Variants in RIMS1 observed in about 807,000 individuals in gnomAD.
The protein encoded by RIMS1 is regulating synaptic membrane exocytosis 1.
RIMS1 carries 83 observed loss-of-function variants against 214.1 expected under a neutral mutation model. The observed-to-expected ratio is 0.39, with a 90% CI of 0.32 to 0.47. The LOEUF (loss-of-function observed/expected upper bound fraction) is 0.47. RIMS1 is among the 20% of genes least tolerant of loss of function. The pLI is 0.99. For missense variants in RIMS1, 2,050 were observed against 2,161.8 expected (o/e 0.95, Z 1.03); for synonymous variants, 793 against 786.8 (o/e 1.01, Z -0.13).
intron 4 of RIMS1, among the ~76,000 whole-genome samples, chr6:72,118,365 C>T (rs2037514014): frequency 6.6e-6 from 1 of 150,988 alleles, no homozygotes; most frequent in Non-Finnish European, 1.5e-5. Context: ...AAGTCCAGGG[C>T]CAGATGGAAT....
At chr6:72,048,882 GC>G (rs1456517786) in intron 2 of RIMS1, among the ~76,000 whole-genome samples, 1 of 152,188 alleles carries the variant, frequency 6.6e-6, no homozygotes, top group Non-Finnish European at 1.5e-5. Flanking sequence ...CCCCTGACTT[GC>G]TGTCCCTATC....
intron 26 of RIMS1, among the ~76,000 whole-genome samples, chr6:72,303,191 T>G (rs970544041): frequency 6.6e-6 from 1 of 151,052 alleles, no homozygotes; most frequent in African/African-American, 2.4e-5. Flanking sequence ...AGAAAATTAC[T>G]TTATCTCTTT....
At chr6:72,015,451 TAGA>T (rs1379057370) in intron 2 of RIMS1, among the ~76,000 whole-genome samples, 1 of 152,216 alleles carries the variant, frequency 6.6e-6, no homozygotes, top group African/African-American at 2.4e-5. Context: ...ATTTTCTATA[TAGA>T]AGATCATGTT....
intron 1 of RIMS1, among the ~76,000 whole-genome samples, chr6:71,940,141 G>A (rs1157447066): frequency 6.6e-6 from 1 of 152,142 alleles, no homozygotes; most frequent in South Asian, 2.1e-4. Context: ...GAATTACAGT[G>A]GTGTTTGGGG....
intron 2 of RIMS1, among the ~76,000 whole-genome samples, chr6:72,037,511 G>GA (rs1819982781): frequency 1.3e-5 from 2 of 150,944 alleles, no homozygotes; most frequent in Admixed American, 6.6e-5. Flanking sequence ...TGAGGTTTTA[G>GA]TTTTTTTTTA....
intron 4 of RIMS1, among the ~76,000 whole-genome samples, chr6:72,148,076 T>C (rs1230332484): frequency 6.6e-6 from 1 of 152,220 alleles, no homozygotes; most frequent in Non-Finnish European, 1.5e-5. Context: ...GCTAAATTTG[T>C]AATTTCTTAC....
chr6:72,233,597 C>T (rs144256379), intron 6 of RIMS1, among the ~76,000 whole-genome samples, 176 bp from the exon 7 acceptor site: 194 of 151,548 alleles, frequency 1.3e-3, no homozygotes, highest in African/African-American at 4.4e-3. Flanking sequence ...TTGTAGCATA[C>T]GTTCATTCCA....
chr6:72,162,484 G>A (rs1218896283), intron 4 of RIMS1, among the ~76,000 whole-genome samples: 1 of 140,830 alleles, frequency 7.1e-6, no homozygotes, highest in African/African-American at 2.5e-5. Context: ...TCCTAGCCTT[G>A]ATGGTCTTTA....
intron 2 of RIMS1, among the ~76,000 whole-genome samples, chr6:72,012,238 C>T (rs1373447533): frequency 1.3e-5 from 2 of 152,034 alleles, no homozygotes; most frequent in African/African-American, 4.8e-5. Flanking sequence ...GGACAAAAAA[C>T]CAAACACCGC....
intron 2 of RIMS1, among the ~76,000 whole-genome samples, chr6:72,047,948 T>C (rs1823521461): frequency 6.6e-6 from 1 of 152,168 alleles, no homozygotes; most frequent in South Asian, 2.1e-4. Context: ...TAGTAATGGA[T>C]TCAAACCCAT....
At chr6:71,947,918 T>C (rs1261853461) in intron 1 of RIMS1, among the ~76,000 whole-genome samples, 1 of 152,134 alleles carries the variant, frequency 6.6e-6, no homozygotes, top group African/African-American at 2.4e-5. Flanking sequence ...GCACTCTAAA[T>C]TTCTTAGCAG....
chr6:72,250,772 G>C (rs1269064528), intron 13 of RIMS1, 149 bp from the exon 14 acceptor site: 1 of 565,998 alleles, frequency 1.8e-6, no homozygotes, highest in Non-Finnish European at 3.0e-6. Context: ...ACTGAAGTTA[G>C]AATATTATTA....
At chr6:72,213,570 C>T (rs1213492067) in intron 6 of RIMS1, among the ~76,000 whole-genome samples, 1 of 151,828 alleles carries the variant, frequency 6.6e-6, no homozygotes, top group East Asian at 1.9e-4. Flanking sequence ...CCTAATTGTG[C>T]ATGGGTTTTT....
At chr6:72,176,622 T>G (rs960370727) in intron 4 of RIMS1, among the ~76,000 whole-genome samples, 15 of 152,250 alleles carry the variant, frequency 9.9e-5, no homozygotes, top group African/African-American at 2.9e-4. Flanking sequence ...GAGGATGGAT[T>G]GACTACACTT....
chr6:71,946,366 A>G (rs1030468088), intron 1 of RIMS1, among the ~76,000 whole-genome samples: 1 of 152,176 alleles, frequency 6.6e-6, no homozygotes, highest in African/African-American at 2.4e-5. Flanking sequence ...CCATCACACT[A>G]TCTAATTTGA....
chr6:72,150,253 C>A (rs1436060055), intron 4 of RIMS1, among the ~76,000 whole-genome samples: 5 of 150,100 alleles, frequency 3.3e-5, no homozygotes, highest in Admixed American at 3.3e-4. Flanking sequence ...GTAAAAAAAA[C>A]AATTATGGAA....
At chr6:71,954,244 A>C (rs1015001349) in intron 1 of RIMS1, among the ~76,000 whole-genome samples, 1 of 152,204 alleles carries the variant, frequency 6.6e-6, no homozygotes, top group Admixed American at 6.5e-5. Flanking sequence ...TCAAAATATC[A>C]ATTTTAGGAT....
chr6:72,313,136 G>A (rs917067522), intron 27 of RIMS1, among the ~76,000 whole-genome samples: 1 of 152,014 alleles, frequency 6.6e-6, no homozygotes, highest in Non-Finnish European at 1.5e-5. Flanking sequence ...GACTAGAGTA[G>A]AAGGTGAATA....
chr6:72,131,959 T>C (rs2040520405), intron 4 of RIMS1, among the ~76,000 whole-genome samples: 1 of 152,214 alleles, frequency 6.6e-6, no homozygotes. Context: ...AAGAGAAATA[T>C]GGCTCTGTTC....
Sources: allele counts gnomAD v4.1 joint callset (sites outside exome capture counted in the v4.1 genomes callset), GRCh38; gene constraint gnomAD v4.1.1; transcripts MANE v1.5; gene names NCBI Gene and HGNC (gene_info 2026-07-23, HGNC 2026-07-21).